The following TTN variants were observed in gnomAD, a reference collection of about 807,000 sequenced individuals.
The protein encoded by TTN is titin, also known as connectin.
Under a neutral mutation model 3,223.0 loss-of-function variants are expected in TTN, and 1,525 were observed. The ratio of observed to expected loss-of-function variants is 0.47; its 90% CI spans 0.45 to 0.49. The LOEUF is 0.49. TTN is among the 20% of genes least tolerant of loss of function. The probability of loss-of-function intolerance (pLI) is 0.00; values close to 1 mark genes in which losing one functional copy is unlikely to be tolerated. For synonymous variants in TTN, 14,094 were observed against 15,161.0 expected (o/e 0.93, Z 5.17); for missense variants, 40,786 against 43,424.0 (o/e 0.94, Z 5.40).
chr2:178,606,110 A>G (rs79406677), intron 278 of TTN, among the ~76,000 whole-genome samples: 1,824 of 152,136 alleles, frequency 0.012, 13 homozygotes, highest in Non-Finnish European at 0.017. Flanking sequence ...GGATATGTCT[A>G]TGAACATACT....
rs1437984632 is a variant in TTN at position 178,775,216 on chromosome 2, G to A, written c.6509-14C>T. On this transcript the variant is annotated splice_polypyrimidine_tract_variant and intron_variant, in intron 28 of 362. Transcript: ENST00000589042. ...TCAATTGCTTGGCTACAAGAAAAAGGTGGGGGAAAAAGGGGAGAGCACATT... is the reference window on the plus strand; with the variant it reads ...TCAATTGCTTGGCTACAAGAAAAAGATGGGGGAAAAAGGGGAGAGCACATT... 1.2e-6 allele frequency: 2 copies of A among 1,613,720 alleles called. No homozygotes were observed. The highest frequency in any genetic ancestry group is 2.2e-5 in the South Asian group (2 of 91,060).
rs2090488032 is a variant in TTN, at chr2:178,766,655, A to C, written c.9472-43T>G. ...TAAAAAAACAACAACAACAACAAAAACTTGAAGCTCTGGTTTCCTCCCAGT... is the reference window on the plus strand; with the variant it reads ...TAAAAAAACAACAACAACAACAAAACCTTGAAGCTCTGGTTTCCTCCCAGT... On this transcript the variant is annotated intron_variant, in intron 40 of 362. Transcript: ENST00000589042. 4 of 1,510,268 alleles carry C rather than the reference A, an allele frequency of 2.6e-6. No individual in the cohort carries two copies. The African/African-American group carries it at 4.1e-5, about 16-fold the overall frequency. 93.6% of individuals were successfully genotyped at this position (1,510,268 alleles called of 1,614,324 possible). A position where few individuals can be genotyped will look rare whatever the true frequency, so the allele number is the denominator to read the frequency against.
At position 178,567,200 on chromosome 2, in the gene TTN, G is replaced by A; in HGVS notation, c.78932C>T (p.Pro26311Leu). The A allele has an allele frequency of 6.2e-7, 1 of 1,612,272 alleles. No homozygotes were observed. Among genetic ancestry groups the A allele is most frequent in the Non-Finnish European group, 8.5e-7 (1 of 1,178,938 alleles). The change falls in exon 326 of 363, where the codon CCA becomes CTA. Residue 26311 changes from proline (P) to leucine (L), a missense_variant. Coordinates refer to ENST00000589042, the MANE Select transcript of TTN (RefSeq NM_001267550.2). The part of the protein sequence containing the change: ...SEKCSLTWSP[P>L]LQDGGSDISH... ...AATGTCACTGCCACCATCTTGAAGT[G>A]GTGGAGACCATGTTAAAGAGCATTT...
chr2:178,732,777 A>T lies in TTN; in HGVS notation c.16342+57T>A, dbSNP rs1285673734. The T allele has an allele frequency of 6.4e-6, 10 of 1,565,012 alleles. No individual in the cohort carries two copies. In the Admixed American group the frequency reaches 1.9e-4, roughly 29 times the overall value. On this transcript the variant is annotated intron_variant, in intron 55 of 362. Transcript: ENST00000589042. Reference sequence around the variant, plus strand: ...GTTAAGAGGGTTGATCTAAGGGAAGATGACTTAATTTGAACATAATCTTTA... The same window carrying T: ...GTTAAGAGGGTTGATCTAAGGGAAGTTGACTTAATTTGAACATAATCTTTA...
chr2:178,532,929 G>T lies in TTN; in HGVS notation c.103686C>A (p.Phe34562Leu), dbSNP rs777864853. The T allele has an allele frequency of 6.2e-7, 1 of 1,613,792 alleles. No individual in the cohort carries two copies. The highest frequency in any genetic ancestry group is 1.3e-5 in the African/African-American group (1 of 74,906). Residue 34562 changes from phenylalanine to leucine, a missense_variant, in exon 358 of 363, where the codon TTC becomes TTA. Coordinates refer to ENST00000589042, the MANE Select transcript of TTN (RefSeq NM_001267550.2). Reference protein sequence around the residue: ...TIEEDQRIKQFVPMSDMKWYK... With the variant: ...TIEEDQRIKQLVPMSDMKWYK... ...ACCACTTCATGTCAGACATGGGCACGAACTGCTTGATGCGTTGGTCTTCTT... is the reference window on the plus strand; with the variant it reads ...ACCACTTCATGTCAGACATGGGCACTAACTGCTTGATGCGTTGGTCTTCTT...
intron 127 of TTN, among the ~76,000 whole-genome samples, chr2:178,686,224 C>T (rs943895211): frequency 7.0e-6 from 1 of 142,390 alleles, no homozygotes; most frequent in Non-Finnish European, 1.5e-5. Context: ...GGGTTCACGC[C>T]ATTCTCCTGC....
At position 178,527,426 on chromosome 2, in the gene TTN, C is replaced by T; in HGVS notation, c.107680+20G>A. ...ATGTTACTTGGCTTGTCTACCTCTA[C>T]CAGTAATTTTATTGCTCACCTCTTA... On this transcript the variant is annotated intron_variant, in intron 362 of 362. Transcript: ENST00000589042. 6.2e-7 allele frequency: 1 copy of T among 1,605,764 alleles called. No individual in the cohort carries two copies. The highest frequency in any genetic ancestry group is 1.3e-5 in the African/African-American group (1 of 74,850).
intron 223 of TTN, among the ~76,000 whole-genome samples, chr2:178,638,566 T>G (rs555624431): frequency 6.6e-6 from 1 of 151,570 alleles, no homozygotes; most frequent in East Asian, 1.9e-4. Context: ...CTTTTTTTTT[T>G]TTTAAATTCA....
rs1251970273 is a variant in TTN, at chr2:178,631,235, G to A, written c.43813C>T (p.Leu14605=). Reference sequence around the variant, plus strand: ...TCTGCTTTGCTAATTTCACACTGTAGAATAACTTCATCTTTCTCTACACCA... The same window carrying A: ...TCTGCTTTGCTAATTTCACACTGTAAAATAACTTCATCTTTCTCTACACCA... ...YTGVEKDEVI[L]QCEISKADAP... The change falls in exon 237 of 363, where the codon CTA becomes TTA. Residue 14605 remains leucine (L), a synonymous_variant. Coordinates refer to ENST00000589042, the MANE Select transcript of TTN (RefSeq NM_001267550.2). The A allele has an allele frequency of 1.9e-6, 3 of 1,612,520 alleles. No homozygotes were observed. Among genetic ancestry groups the A allele is most frequent in the Non-Finnish European group, 2.5e-6 (3 of 1,179,412 alleles).
At chr2:178,798,798 TATA>T (rs2093901470) in intron 6 of TTN, 1 of 152,468 alleles carries the variant, frequency 6.6e-6, no homozygotes, top group South Asian at 2.1e-4. Context: ...GTGATCCATA[TATA>T]ATAACAATTA....
chr2:178,651,835 G>A, intron 205 of TTN, 49 bp downstream of exon 205: 1 of 1,600,696 alleles, frequency 6.2e-7, no homozygotes, highest in Non-Finnish European at 8.5e-7. Flanking sequence ...ATCAGGGCAG[G>A]AAGGGGAAAG....
chr2:178,769,554 C>A (rs1295447404), intron 37 of TTN, 125 bp downstream of exon 37: 7 of 811,124 alleles, frequency 8.6e-6, no homozygotes, highest in Non-Finnish European at 1.2e-5. Flanking sequence ...TTGAGCCACC[C>A]TGCCCACCCA....
rs772742230 is a variant in TTN, at chr2:178,577,105, A to G, written c.69230T>C (p.Leu23077Pro). 6.2e-7 allele frequency: 1 copy of G among 1,613,182 alleles called. No individual in the cohort carries two copies. The highest frequency in any genetic ancestry group is 1.1e-5 in the South Asian group (1 of 91,048). ...DGGSPIKSYI[L>P]EKRETSRLLW... ...AAGTCGGCTGGTTTCTCTCTTTTCA[A>G]GTATATAGGACTTAATTGGTGAGCC... is the stretch of plus-strand genomic sequence containing the variant. Residue 23077 changes from leucine to proline, a missense_variant, in exon 324 of 363, where the codon CTT (leucine) becomes CCT (proline). Leu to Pro is a moderately conservative substitution (Grantham distance 98, BLOSUM62 -3). Coordinates refer to ENST00000589042, the MANE Select transcript of TTN (RefSeq NM_001267550.2).
In TTN at chr2:178,630,221, G is replaced by C; in HGVS notation, c.44281+20C>G. ...GAAAAAGTGTTTATTTAATTTCCCT[G>C]AAAAATATACAATACTTACGCTTAA... On this transcript the variant is annotated intron_variant, in intron 239 of 362. Coordinates refer to ENST00000589042, the MANE Select transcript of TTN (RefSeq NM_001267550.2). 6.2e-7 allele frequency: 1 copy of C among 1,610,754 alleles called. No individual in the cohort carries two copies.
At chr2:178,698,239 G>C (rs2074068729) in intron 112 of TTN, among the ~76,000 whole-genome samples, 1 of 151,198 alleles carries the variant, frequency 6.6e-6, no homozygotes, top group African/African-American at 2.4e-5. Flanking sequence ...GGATTTGAGG[G>C]AATGGGGAAA....
Position 178,607,700 on chromosome 2 carries a change from C to G in TTN, c.53003-15G>C, listed in dbSNP as rs1024892113. ...AGCTGGAGGCTCTGTTGAAAGAGAA[C>G]AGTCATGCATTAGCCCATGAAAGAT... On this transcript the variant is annotated splice_polypyrimidine_tract_variant and intron_variant, in intron 276 of 362. Coordinates refer to ENST00000589042, the MANE Select transcript of TTN (RefSeq NM_001267550.2). 1.1e-5 allele frequency: 17 copies of G among 1,612,522 alleles called. No individual in the cohort carries two copies. Among genetic ancestry groups the G allele is most frequent in the Non-Finnish European group, 1.4e-5 (16 of 1,179,294 alleles).
chr2:178,614,605 T>G lies in TTN; in HGVS notation c.48909A>C (p.Lys16303Asn). 1 of 1,612,436 alleles carries G rather than the reference T, an allele frequency of 6.2e-7. No individual in the cohort carries two copies. Among genetic ancestry groups the G allele is most frequent in the African/African-American group, 1.3e-5 (1 of 74,912 alleles). ...TKADMILKQD[K>N]RITIENVPKK... ...TAGGGACATTTTCAATGGTAATTCT[T>G]TTGTCCTGCTTCAGAATCATATCAG... Residue 16303 changes from lysine to asparagine, a missense_variant, in exon 261 of 363, where the codon AAA becomes AAC. Physicochemically the swap from Lys to Asn is moderately conservative, Grantham distance 94. Transcript: ENST00000589042.
At chr2:178,559,145 ACT>A (rs1013956245) in intron 326 of TTN, among the ~76,000 whole-genome samples, 164 bp downstream of exon 326, 4 of 151,964 alleles carry the variant, frequency 2.6e-5, no homozygotes, top group Non-Finnish European at 4.4e-5. Flanking sequence ...TCAATGAAAG[ACT>A]CTTCACTAGA....
At chr2:178,606,858 A>ATGAT (rs2055009981) in intron 278 of TTN, among the ~76,000 whole-genome samples, 163 bp downstream of exon 278, 1 of 152,008 alleles carries the variant, frequency 6.6e-6, no homozygotes, top group Non-Finnish European at 1.5e-5. Flanking sequence ...TATAGGAAAT[A>ATGAT]TGATATCTTT....
Sources: allele counts gnomAD v4.1 joint callset (sites outside exome capture counted in the v4.1 genomes callset), GRCh38; gene constraint gnomAD v4.1.1; transcripts MANE v1.5; gene names NCBI Gene and HGNC (gene_info 2026-07-23, HGNC 2026-07-21).